The following LRRTM4 variants were observed in gnomAD, a reference collection of about 807,000 sequenced individuals.
LRRTM4 encodes the protein leucine rich repeat transmembrane neuronal 4, also known as leucine-rich repeat transmembrane neuronal protein 4.
Under a neutral mutation model 47.6 loss-of-function variants are expected in LRRTM4, and 25 were observed. That is an observed-to-expected ratio of 0.53 (90% CI 0.38 to 0.73). LRRTM4 has a LOEUF of 0.73. Ranked by LOEUF, LRRTM4 falls within the 30% of genes least tolerant of loss-of-function variation. LRRTM4 has a pLI of 0.00. For missense variants in LRRTM4, 638 were observed against 713.4 expected (o/e 0.89, Z 1.20); for synonymous variants, 311 against 269.5 (o/e 1.15, Z -1.51).
At chr2:77,430,315 C>T (rs6721651) in intron 3 of LRRTM4, among the ~76,000 whole-genome samples, 64,069 of 151,976 alleles carry the variant, frequency 0.42, 14,354 homozygotes, top group African/African-American at 0.59. Flanking sequence ...CATATAATCA[C>T]TTAAAATCTA....
chr2:77,021,966 A>G (rs1207629457), intron 3 of LRRTM4, among the ~76,000 whole-genome samples: 1 of 152,140 alleles, frequency 6.6e-6, no homozygotes, highest in African/African-American at 2.4e-5. Flanking sequence ...GTGCCCTTTG[A>G]TCAACATATC....
intron 3 of LRRTM4, among the ~76,000 whole-genome samples, chr2:77,045,623 A>G (rs1419601201): frequency 6.6e-6 from 1 of 151,914 alleles, no homozygotes; most frequent in African/African-American, 2.4e-5. Context: ...GATGGTTATT[A>G]TAAGGAGGAG....
chr2:77,495,612 A>T (rs1678332338), intron 3 of LRRTM4, among the ~76,000 whole-genome samples: 1 of 151,960 alleles, frequency 6.6e-6, no homozygotes, highest in African/African-American at 2.4e-5. Context: ...TGGCATACGG[A>T]TGGCAAACAT....
At chr2:77,175,848 C>T (rs1316520810) in intron 3 of LRRTM4, among the ~76,000 whole-genome samples, 1 of 152,050 alleles carries the variant, frequency 6.6e-6, no homozygotes, top group Non-Finnish European at 1.5e-5. Flanking sequence ...TTAGCAGAGA[C>T]GGGTTTTACC....
At chr2:77,068,375 A>T (rs1347165753) in intron 3 of LRRTM4, among the ~76,000 whole-genome samples, 3 of 152,104 alleles carry the variant, frequency 2.0e-5, no homozygotes, top group African/African-American at 7.2e-5. Flanking sequence ...GTCTCTTCAC[A>T]GAGTTATACT....
intron 3 of LRRTM4, among the ~76,000 whole-genome samples, chr2:76,942,492 T>A (rs917504000): frequency 3.5e-5 from 1 of 28,474 alleles, no homozygotes; most frequent in African/African-American, 1.6e-4. Flanking sequence ...TGTGCTAACA[T>A]TTTTTTTTTT....
chr2:77,512,940 T>C (rs2104108112), intron 3 of LRRTM4, among the ~76,000 whole-genome samples: 1 of 152,264 alleles, frequency 6.6e-6, no homozygotes, highest in South Asian at 2.1e-4. Context: ...TTTCCTAAAT[T>C]AGCTATGTCG....
intron 3 of LRRTM4, among the ~76,000 whole-genome samples, chr2:76,906,951 T>C (rs1276853812): frequency 1.3e-5 from 2 of 151,958 alleles, no homozygotes; most frequent in South Asian, 2.1e-4. Context: ...GACAGAAAGT[T>C]AACAAGGATA....
rs187255605 is a variant in LRRTM4, at chr2:76,797,198, T to G, written c.1552-48282A>C. ...CAAAGTTGAAATGAAGGAAAAAATG[T>G]TAAGGGCAGCCAGAGAGAAAGGTCG... On this transcript the variant is annotated intron_variant, in intron 3 of 3. Transcript: ENST00000409884. 1.4e-3 allele frequency among the ~76,000 whole-genome samples: 211 copies of G among 152,098 alleles called. 2 individuals carry two copies. The highest frequency in any genetic ancestry group is 2.7e-3 in the Non-Finnish European group (181 of 68,004).
At chr2:77,488,235 A>G (rs780570976) in intron 3 of LRRTM4, among the ~76,000 whole-genome samples, 10 of 152,174 alleles carry the variant, frequency 6.6e-5, no homozygotes, top group Non-Finnish European at 1.3e-4. Flanking sequence ...CCCCGGTGCC[A>G]GCACTGGAAG....
intron 3 of LRRTM4, among the ~76,000 whole-genome samples, chr2:77,474,521 A>C (rs182988689): frequency 1.3e-5 from 2 of 152,262 alleles, no homozygotes; most frequent in East Asian, 3.9e-4. Flanking sequence ...GAATAGAATC[A>C]ATATAATAGA....
chr2:77,089,545 T>C (rs935726314), intron 3 of LRRTM4, among the ~76,000 whole-genome samples: 3 of 151,890 alleles, frequency 2.0e-5, no homozygotes, highest in African/African-American at 7.3e-5. Context: ...CCCAACCCCT[T>C]TTCCCACTTT....
chr2:77,287,357 C>T (rs1430650438), intron 3 of LRRTM4, among the ~76,000 whole-genome samples: 1 of 151,884 alleles, frequency 6.6e-6, no homozygotes, highest in Non-Finnish European at 1.5e-5. Context: ...AAATGGAGAG[C>T]TCCTCTTATC....
At chr2:77,130,843 TTTTTTTTTTG>T (rs1317512827) in intron 3 of LRRTM4, among the ~76,000 whole-genome samples, 2,601 of 110,048 alleles carry the variant, frequency 0.024, 153 homozygotes, top group African/African-American at 0.092. Flanking sequence ...TTTTTTTTTT[TTTTTTTTTTG>T]AGACGGAGTC....
At chr2:76,782,703 C>T (rs929915775) in intron 3 of LRRTM4, among the ~76,000 whole-genome samples, 3 of 152,076 alleles carry the variant, frequency 2.0e-5, no homozygotes, top group African/African-American at 7.2e-5. Flanking sequence ...TTACAGTTTG[C>T]ATTTTCAAAT....
At chr2:76,903,322 G>C (rs1673707668) in intron 3 of LRRTM4, among the ~76,000 whole-genome samples, 1 of 152,100 alleles carries the variant, frequency 6.6e-6, no homozygotes, top group Non-Finnish European at 1.5e-5. Context: ...GTATCACGAG[G>C]TCAGGAGATT....
chr2:76,894,859 C>T (rs573102951), intron 3 of LRRTM4, among the ~76,000 whole-genome samples: 12 of 151,148 alleles, frequency 7.9e-5, no homozygotes, highest in East Asian at 1.9e-4. Context: ...TATACACATG[C>T]GCACATTGTT....
intron 3 of LRRTM4, among the ~76,000 whole-genome samples, chr2:77,155,063 G>A (rs1435925332): frequency 1.3e-5 from 2 of 152,060 alleles, no homozygotes; most frequent in Non-Finnish European, 2.9e-5. Flanking sequence ...GCAAAGCTAT[G>A]TCAATTCACA....
intron 3 of LRRTM4, among the ~76,000 whole-genome samples, chr2:77,208,555 G>C (rs1674205369): frequency 6.6e-6 from 1 of 151,976 alleles, no homozygotes; most frequent in African/African-American, 2.4e-5. Context: ...GAAGGAGTTG[G>C]GGTGTCACAC....
Sources: gnomAD v4.1 joint callset for allele counts (sites outside exome capture counted in the v4.1 genomes callset) on GRCh38, gnomAD v4.1.1 for gene constraint, MANE v1.5 for transcripts, NCBI Gene and HGNC (gene_info 2026-07-23, HGNC 2026-07-21) for gene names.